MS4A10: variants seen among roughly 807,000 people sequenced by gnomAD.
MS4A10 encodes the protein membrane-spanning 4-domains subfamily A member 10.
In MS4A10, 27 loss-of-function variants were observed where a neutral mutation model predicts 27.7. The ratio of observed to expected loss-of-function variants is 0.98; its 90% confidence interval spans 0.72 to 1.35. The LOEUF (loss-of-function observed/expected upper bound fraction) is 1.35. Among genes scored for constraint, MS4A10 ranks in the 40% most tolerant of loss-of-function variants. The pLI, the probability that MS4A10 is intolerant of heterozygous loss-of-function variation, is 0.00. For missense variants in MS4A10, 338 were observed against 324.7 expected (o/e 1.04, Z -0.32); for synonymous variants, 139 against 131.2 (o/e 1.06, Z -0.41).
intron 5 of MS4A10, among the ~76,000 whole-genome samples, chr11:60,794,816 C>T (rs182974010): frequency 6.6e-6 from 1 of 152,274 alleles, no homozygotes; most frequent in African/African-American, 2.4e-5. Context: ...GCTAGGATTA[C>T]AGGCACCCAC....
At chr11:60,799,356 T>TA (rs1854591558) in intron 7 of MS4A10, among the ~76,000 whole-genome samples, 2 of 152,220 alleles carry the variant, frequency 1.3e-5, no homozygotes, top group Admixed American at 1.3e-4. Context: ...CTTCAGGACT[T>TA]TTGCTTATTT....
intron 1 of MS4A10, among the ~76,000 whole-genome samples, chr11:60,788,889 TCTGAA>T (rs1854381135): frequency 6.6e-6 from 1 of 152,236 alleles, no homozygotes; most frequent in African/African-American, 2.4e-5. Context: ...AGGCAACCTC[TCTGAA>T]CCTTGGTTTC....
rs138796486 is a variant in MS4A10 at position 60,789,422 on chromosome 11, G to A, written c.-22-892G>A. 5.2e-3 allele frequency among the ~76,000 whole-genome samples: 786 copies of A among 152,258 alleles called. 8 individuals are homozygous for A. Among genetic ancestry groups the A allele is most frequent in the South Asian group, 0.021 (99 of 4,824 alleles). On this transcript the variant is annotated intron_variant, in intron 1 of 7. Transcript: ENST00000308287. Reference sequence around the variant, plus strand: ...CCCAAGCCCTAGTGCATCCCACGGCGTCAGTATACACTATACCAGGCCCTG... The same window carrying A: ...CCCAAGCCCTAGTGCATCCCACGGCATCAGTATACACTATACCAGGCCCTG...
intron 5 of MS4A10, 32 bp from the exon 6 acceptor site, chr11:60,795,523 T>A: frequency 6.9e-7 from 1 of 1,450,092 alleles, no homozygotes; most frequent in Non-Finnish European, 9.2e-7. Flanking sequence ...CAGCGAGGCC[T>A]CACCCTGCCT....
rs146746011 is a variant in MS4A10, at chr11:60,790,983, A to G, written c.193A>G (p.Ile65Val). The G allele has an allele frequency of 6.2e-7, 1 of 1,614,098 alleles. No homozygotes were observed. ...SLLKELGAFH[I>V]TIALLHLVFG... ...TCTCTTCCCCACCCAGGCCTTCCAC[A>G]TCACCATCGCTCTGCTGCACCTGGT... The change falls in exon 3 of 8, where the codon ATC (isoleucine) becomes GTC (valine). Residue 65 changes from isoleucine to valine, a missense_variant. Physicochemically the swap from Ile to Val is conservative, Grantham distance 29 (BLOSUM62 3). Transcript: ENST00000308287.
At position 60,800,277 on chromosome 11, in the gene MS4A10, A is replaced by T. The variant is rs1854610567; in HGVS notation, c.*368A>T. 2 of 208,790 alleles carry T rather than the reference A, an allele frequency of 9.6e-6. No homozygotes were observed. Among genetic ancestry groups the T allele is most frequent in the Non-Finnish European group, 1.9e-5 (2 of 103,082 alleles). 12.9% of individuals were successfully genotyped at this position (208,790 alleles called of 1,614,324 possible). A position where few individuals can be genotyped will look rare whatever the true frequency, so the allele number is the denominator to read the frequency against. On this transcript the variant is annotated 3_prime_UTR_variant, in exon 8 of 8. Transcript: ENST00000308287. ...GTGATTCTCCTATCTCAGCCTCCCA[A>T]GTAGCTGGGACTATAGGCACACGCC...
At chr11:60,787,887 G>C (rs1427233716) in intron 1 of MS4A10, among the ~76,000 whole-genome samples, 1 of 152,024 alleles carries the variant, frequency 6.6e-6, no homozygotes, top group East Asian at 1.9e-4. Flanking sequence ...CGTGGTGGCA[G>C]GTGCCTGTAA....
In MS4A10 at chr11:60,790,353, A is replaced by C. The variant is rs200981737; in HGVS notation, c.18A>C (p.Thr6=). Residue 6 remains threonine (T), a synonymous_variant, in exon 2 of 8, where the codon ACA becomes ACC. Coordinates refer to ENST00000308287, the MANE Select transcript of MS4A10 (RefSeq NM_206893.4). The stretch of plus-strand genomic sequence containing the variant: ...CAGCATCAATGAAAGCAGAAGCCAC[A>C]GTTATTCCCAGCCGTTGTGCTAGGG... MKAEA[T]VIPSRCARGL... The C allele has an allele frequency of 3.0e-5, 49 of 1,614,058 alleles. No homozygotes were observed. In the East Asian group the frequency reaches 1.0e-3, roughly 35 times the overall value.
chr11:60,799,620 C>T (rs1026513486), intron 7 of MS4A10, among the ~76,000 whole-genome samples: 1 of 152,172 alleles, frequency 6.6e-6, no homozygotes. Flanking sequence ...ACAGACACCC[C>T]AGGGACACCC....
At chr11:60,794,926 C>T (rs531411428) in intron 5 of MS4A10, among the ~76,000 whole-genome samples, 1 of 152,286 alleles carries the variant, frequency 6.6e-6, no homozygotes, top group East Asian at 1.9e-4. Context: ...CTCTAGTGAT[C>T]CTCCCGCCTC....
Position 60,795,558 on chromosome 11 carries a change from C to G in MS4A10, c.496C>G (p.His166Asp). ...IWRMYPNSTVHIQRLELALLC... is the reference protein window; with the variant it reads ...IWRMYPNSTVDIQRLELALLC... ...TTCCTTCCCTCTACCCTCTCAGGTC[C>G]ACATCCAGAGGCTGGAGCTGGCCTT... The change falls in exon 6 of 8, where the codon CAC (histidine) becomes GAC (aspartate). Residue 166 changes from histidine (H) to aspartate (D), a missense_variant. Coordinates refer to ENST00000308287, the MANE Select transcript of MS4A10 (RefSeq NM_206893.4). 6.5e-7 allele frequency: 1 copy of G among 1,546,720 alleles called. No homozygotes were observed. Among genetic ancestry groups the G allele is most frequent in the Non-Finnish European group, 8.7e-7 (1 of 1,146,518 alleles).
At position 60,792,287 on chromosome 11, in the gene MS4A10, C is replaced by T. The variant is rs770181560; in HGVS notation, c.326C>T (p.Ala109Val). 8 of 1,613,312 alleles carry T rather than the reference C, an allele frequency of 5.0e-6. No homozygotes were observed. The highest frequency in any genetic ancestry group is 2.2e-5 in the South Asian group (2 of 91,044). Residue 109 changes from alanine (A) to valine (V), a missense_variant, in exon 4 of 8, where the codon GCG (alanine) becomes GTG (valine). Coordinates refer to ENST00000308287, the MANE Select transcript of MS4A10 (RefSeq NM_206893.4). ...CAGTTTCTCATTTCAGGGATCTTGG[C>T]GATAACAATGAAGACCTTTTCTAAA... ...AASFLISGIL[A>V]ITMKTFSKTY...
chr11:60,794,106 G>A lies in MS4A10; in HGVS notation c.492+3G>A. On this transcript the variant is annotated splice_donor_region_variant and intron_variant, in intron 5 of 7. Coordinates refer to ENST00000308287, the MANE Select transcript of MS4A10 (RefSeq NM_206893.4). ...GGAGAATGTACCCCAACTCCACGGT[G>A]AGTACCCAGGCCTGGAGGGCCCTCT... 6.2e-7 allele frequency: 1 copy of A among 1,614,050 alleles called. No homozygotes were observed. Among genetic ancestry groups the A allele is most frequent in the African/African-American group, 1.3e-5 (1 of 75,060 alleles).
rs1027859077 is a variant in MS4A10 at position 60,787,494 on chromosome 11, G to A, written c.-23+2073G>A. On this transcript the variant is annotated intron_variant, in intron 1 of 7. Coordinates refer to ENST00000308287, the MANE Select transcript of MS4A10 (RefSeq NM_206893.4). ...CTGGTTGTATAAAATTCCTTGTAGC[G>A]GCTCTCTATCCCGTGAGAGAAGTAT... Among the ~76,000 whole-genome samples, 15 of 151,892 alleles carry A rather than the reference G, an allele frequency of 9.9e-5. No homozygotes were observed. In the South Asian group the frequency reaches 1.9e-3, roughly 19 times the overall value.
At chr11:60,789,680 G>A (rs536563512) in intron 1 of MS4A10, among the ~76,000 whole-genome samples, 5 of 152,318 alleles carry the variant, frequency 3.3e-5, no homozygotes, top group Admixed American at 2.6e-4. Flanking sequence ...ATGAGAGTGA[G>A]GACGGTATTT....
intron 1 of MS4A10, among the ~76,000 whole-genome samples, chr11:60,788,064 A>G (rs1183901183): frequency 2.0e-5 from 3 of 152,008 alleles, no homozygotes; most frequent in Admixed American, 1.3e-4. Flanking sequence ...AATAAAGATT[A>G]TATGGCCAAT....
chr11:60,790,220 T>G (rs474435), intron 1 of MS4A10, 94 bp from the exon 2 acceptor site: 19 of 1,054,454 alleles, frequency 1.8e-5, no homozygotes, highest in Non-Finnish European at 2.6e-5. Flanking sequence ...TGGAAAGATC[T>G]GGTCCCTTAA....
At chr11:60,789,098 CA>C (rs1854384925) in intron 1 of MS4A10, among the ~76,000 whole-genome samples, 1 of 152,216 alleles carries the variant, frequency 6.6e-6, no homozygotes, top group Non-Finnish European at 1.5e-5. Flanking sequence ...TTTGTCCCTC[CA>C]AACTTCCCAA....
chr11:60,786,214 C>T (rs1179578327), intron 1 of MS4A10, among the ~76,000 whole-genome samples: 7 of 151,892 alleles, frequency 4.6e-5, no homozygotes, highest in African/African-American at 1.7e-4. Context: ...CACACACACC[C>T]TGAGAAGCTC....
Sources: allele counts gnomAD v4.1 joint callset (sites outside exome capture counted in the v4.1 genomes callset), GRCh38; gene constraint gnomAD v4.1.1; transcripts MANE v1.5; gene names NCBI Gene and HGNC (gene_info 2026-07-23, HGNC 2026-07-21).